PRKD3: variants seen among roughly 807,000 people sequenced by gnomAD.
PRKD3 encodes serine/threonine-protein kinase D3.
Under a neutral mutation model 99.2 loss-of-function variants are expected in PRKD3, and 47 were observed. The observed-to-expected ratio is 0.47, with a 90% CI of 0.38 to 0.60. The LOEUF (loss-of-function observed/expected upper bound fraction) is 0.60. Ranked by LOEUF, PRKD3 falls within the 20% of genes least tolerant of loss-of-function variation. The pLI, the probability that PRKD3 is intolerant of heterozygous loss-of-function variation, is 0.00. For synonymous variants in PRKD3, 392 were observed against 355.4 expected (o/e 1.10, Z -1.16); for missense variants, 1,019 against 1,088.4 (o/e 0.94, Z 0.90).
intron 1 of PRKD3, among the ~76,000 whole-genome samples, chr2:37,318,138 T>G (rs962376433): frequency 1.1e-4 from 16 of 151,656 alleles, no homozygotes; most frequent in Admixed American, 1.3e-4. Context: ...CTCTGCAGAG[T>G]AGTTAATGGG....
chr2:37,271,023 A>G (rs1373821651), intron 12 of PRKD3, among the ~76,000 whole-genome samples: 1 of 152,204 alleles, frequency 6.6e-6, no homozygotes, highest in African/African-American at 2.4e-5. Context: ...TCTCAACAGG[A>G]CAAGAGACTC....
At chr2:37,323,345 C>A (rs1346525808) in intron 1 of PRKD3, among the ~76,000 whole-genome samples, 1 of 151,634 alleles carries the variant, frequency 6.6e-6, no homozygotes, top group Non-Finnish European at 1.5e-5. Flanking sequence ...AATTATAGAA[C>A]CGAGGATGGA....
intron 8 of PRKD3, chr2:37,278,463 G>A (rs1290415261): frequency 6.6e-6 from 1 of 152,354 alleles, no homozygotes; most frequent in Non-Finnish European, 1.5e-5. Context: ...ACTTCTACTA[G>A]AAGGTATTTA....
intron 7 of PRKD3, 99 bp from the exon 8 acceptor site, chr2:37,280,028 C>G: frequency 2.9e-6 from 2 of 697,614 alleles, no homozygotes; most frequent in South Asian, 4.3e-5. Flanking sequence ...AAGAAAATAT[C>G]TTTATGAGTT....
chr2:37,255,348 A>G (rs1450197957), intron 17 of PRKD3, among the ~76,000 whole-genome samples: 2 of 152,202 alleles, frequency 1.3e-5, no homozygotes, highest in Non-Finnish European at 2.9e-5. Context: ...GGGCTGGTTA[A>G]ATCCAGATGG....
chr2:37,293,004 T>G, intron 3 of PRKD3, 129 bp downstream of exon 3: 1 of 1,032,758 alleles, frequency 9.7e-7, no homozygotes, highest in Non-Finnish European at 1.4e-6. Context: ...ATGGTGACCA[T>G]TATTAGAGAT....
At chr2:37,295,277 A>G (rs1222045037) in intron 2 of PRKD3, among the ~76,000 whole-genome samples, 1 of 152,180 alleles carries the variant, frequency 6.6e-6, no homozygotes, top group Non-Finnish European at 1.5e-5. Context: ...TAAGGCAAAT[A>G]ACAAAATTAA....
At chr2:37,282,291 A>G in intron 7 of PRKD3, 1 of 416,540 alleles carries the variant, frequency 2.4e-6, no homozygotes, top group Non-Finnish European at 4.3e-6. Flanking sequence ...TCTAAAAATG[A>G]AAGAGGATAT....
intron 14 of PRKD3, among the ~76,000 whole-genome samples, chr2:37,266,140 T>C (rs749272841): frequency 2.0e-5 from 3 of 152,178 alleles, no homozygotes; most frequent in Non-Finnish European, 2.9e-5. Context: ...AGGTACCTAC[T>C]TGACCACAAG....
In PRKD3 at chr2:37,259,647, T is replaced by G. The variant is rs1201936129; in HGVS notation, c.2081A>C (p.Asn694Thr). ...TGGCTTTAAATCACAGTGCACAATA[T>G]TCTTAAAATGCAGATTCCTCAAAGC... ...LVALRNLHFKNIVHCDLKPEN... is the reference protein window; with the variant it reads ...LVALRNLHFKTIVHCDLKPEN... Residue 694 changes from asparagine (N) to threonine (T), a missense_variant, in exon 16 of 19, where the codon AAT becomes ACT. Around this residue, in one of 3 missense-constraint regions of PRKD3, gnomAD observed 184 missense variants for 275.1 expected, o/e 0.67. Coordinates refer to ENST00000234179, the MANE Select transcript of PRKD3 (RefSeq NM_005813.6). 1 of 1,613,234 alleles carries G rather than the reference T, an allele frequency of 6.2e-7. No homozygotes were observed. The highest frequency in any genetic ancestry group is 1.3e-5 in the African/African-American group (1 of 74,928).
chr2:37,265,824 G>A (rs1668800226), intron 14 of PRKD3, among the ~76,000 whole-genome samples: 1 of 151,978 alleles, frequency 6.6e-6, no homozygotes, highest in African/African-American at 2.4e-5. Context: ...TAATAATGAA[G>A]TTTTTCATAC....
chr2:37,258,216 T>C (rs1251143024), intron 16 of PRKD3, among the ~76,000 whole-genome samples: 2 of 152,250 alleles, frequency 1.3e-5, no homozygotes, highest in Admixed American at 6.5e-5. Flanking sequence ...AGTGAAGTTA[T>C]CAAATGCTGC....
Position 37,289,162 on chromosome 2 carries a change from C to A in PRKD3, c.717+194G>T, listed in dbSNP as rs564064807. 4.3e-3 allele frequency among the ~76,000 whole-genome samples: 648 copies of A among 152,032 alleles called. 1 individual carries two copies. The highest frequency in any genetic ancestry group is 6.3e-3 in the Non-Finnish European group (425 of 67,992). On this transcript the variant is annotated intron_variant, in intron 5 of 18. Transcript: ENST00000234179. ...TAAAGCAGTGGTACAAGCCATAATA[C>A]CATCCCAAGGTGTACAAAATGCAAT...
chr2:37,265,574 C>T (rs1000401779), intron 14 of PRKD3, among the ~76,000 whole-genome samples: 7 of 152,110 alleles, frequency 4.6e-5, no homozygotes, highest in African/African-American at 1.4e-4. Flanking sequence ...TGCAGACAGA[C>T]TTAGATTCAA....
rs1667985497 is a variant in PRKD3 at position 37,256,755 on chromosome 2, A to G, written c.2320T>C (p.Phe774Leu). 6.2e-7 allele frequency: 1 copy of G among 1,612,588 alleles called. No individual in the cohort carries two copies. Among genetic ancestry groups the G allele is most frequent in the Non-Finnish European group, 8.5e-7 (1 of 1,179,908 alleles). ...ATATCTTCATCCTCATTAAAAGGAAATGTGCCACTGAGGCTCACATAGATG... is the reference window on the plus strand; with the variant it reads ...ATATCTTCATCCTCATTAAAAGGAAGTGTGCCACTGAGGCTCACATAGATG... Reference protein sequence around the residue: ...VIIYVSLSGTFPFNEDEDIND... With the variant: ...VIIYVSLSGTLPFNEDEDIND... The change falls in exon 17 of 19, where the codon TTT (phenylalanine) becomes CTT (leucine). Residue 774 changes from phenylalanine to leucine, a missense_variant. Coordinates refer to ENST00000234179, the MANE Select transcript of PRKD3 (RefSeq NM_005813.6).
At chr2:37,312,810 T>C (rs1267875352) in intron 2 of PRKD3, among the ~76,000 whole-genome samples, 2 of 152,188 alleles carry the variant, frequency 1.3e-5, no homozygotes, top group African/African-American at 2.4e-5. Flanking sequence ...TATTTATTGG[T>C]TGACGAAAAT....
At chr2:37,322,606 G>A (rs953733902) in intron 1 of PRKD3, among the ~76,000 whole-genome samples, 28 of 152,242 alleles carry the variant, frequency 1.8e-4, no homozygotes, top group African/African-American at 6.8e-4. Flanking sequence ...TAGTAGCTAA[G>A]AAATCTGATT....
intron 2 of PRKD3, among the ~76,000 whole-genome samples, chr2:37,315,746 T>C (rs1405462991): frequency 6.6e-6 from 1 of 152,228 alleles, no homozygotes; most frequent in Non-Finnish European, 1.5e-5. Flanking sequence ...AGACTGAGTC[T>C]CACTCTGTTG....
At chr2:37,260,855 CCT>C (rs1668382388) in intron 14 of PRKD3, among the ~76,000 whole-genome samples, 3 of 152,090 alleles carry the variant, frequency 2.0e-5, no homozygotes, top group African/African-American at 7.2e-5. Flanking sequence ...TCATTAATTC[CCT>C]TTTTTTAGGC....
Sources: gnomAD v4.1 joint callset for allele counts (sites outside exome capture counted in the v4.1 genomes callset) on GRCh38, gnomAD v4.1.1 for gene constraint, gnomAD v4.1.1 regional missense constraint, MANE v1.5 for transcripts, NCBI Gene and HGNC (gene_info 2026-07-23, HGNC 2026-07-21) for gene names.